The following KIAA0825 variants were observed in gnomAD, a reference collection of about 807,000 sequenced individuals.
The protein encoded by KIAA0825 is KIAA0825, also known as uncharacterized protein KIAA0825.
Under a neutral mutation model 147.6 loss-of-function variants are expected in KIAA0825, and 119 were observed. The observed-to-expected ratio is 0.81, with a 90% confidence interval of 0.69 to 0.94. The LOEUF is 0.94. Among genes scored for constraint, KIAA0825 ranks in the 40% least tolerant of loss-of-function variants. The pLI, the probability that KIAA0825 is intolerant of heterozygous loss-of-function variation, is 0.00. For synonymous variants in KIAA0825, 470 were observed against 518.1 expected (o/e 0.91, Z 1.26); for missense variants, 1,381 against 1,472.7 (o/e 0.94, Z 1.02).
intron 16 of KIAA0825, among the ~76,000 whole-genome samples, chr5:94,399,577 AAC>A (rs1284050334): frequency 6.6e-6 from 1 of 152,110 alleles, no homozygotes; most frequent in Non-Finnish European, 1.5e-5. Context: ...TGATGTCAAC[AAC>A]ACACCAGGGA....
intron 5 of KIAA0825, among the ~76,000 whole-genome samples, chr5:94,486,375 T>C (rs534291351): frequency 1.3e-5 from 2 of 152,084 alleles, no homozygotes; most frequent in Non-Finnish European, 2.9e-5. Flanking sequence ...ATTTTATGGC[T>C]ATTCCACTTC....
At chr5:94,532,887 A>C (rs1771113915) in intron 3 of KIAA0825, among the ~76,000 whole-genome samples, 1 of 151,674 alleles carries the variant, frequency 6.6e-6, no homozygotes, top group Non-Finnish European at 1.5e-5. Context: ...CCTAAGCTAC[A>C]CACAGAAGTT....
Position 94,472,695 on chromosome 5 carries a change from G to A in KIAA0825, c.1455+597C>T, listed in dbSNP as rs1009603164. 3.3e-5 allele frequency among the ~76,000 whole-genome samples: 5 copies of A among 152,246 alleles called. No homozygotes were observed. The East Asian group carries it at 7.8e-4, about 24-fold the overall frequency. On this transcript the variant is annotated intron_variant, in intron 8 of 20. Transcript: ENST00000682413. ...GGAGGCGGAGCTTGCAGTGAGCCGA[G>A]ATCGCGCCCCTGCACTCCAGCCTGG...
At chr5:94,189,828 G>T (rs896889289) in intron 20 of KIAA0825, among the ~76,000 whole-genome samples, 6 of 151,934 alleles carry the variant, frequency 3.9e-5, no homozygotes, top group African/African-American at 1.5e-4. Flanking sequence ...TTTTAATTGG[G>T]ATTTTGTGGA....
chr5:94,188,417 A>G (rs1770357190), intron 20 of KIAA0825, among the ~76,000 whole-genome samples: 1 of 152,194 alleles, frequency 6.6e-6, no homozygotes, highest in Admixed American at 6.5e-5. Flanking sequence ...ACCTGTTAGT[A>G]AAAATAAGTT....
chr5:94,416,941 T>C (rs938038129), intron 15 of KIAA0825: 7 of 303,838 alleles, frequency 2.3e-5, no homozygotes, highest in Middle Eastern at 5.3e-4. Flanking sequence ...ATTTTTATGA[T>C]AGAACATTCC....
At chr5:94,382,639 T>C (rs1324085402) in intron 20 of KIAA0825, among the ~76,000 whole-genome samples, 1 of 152,226 alleles carries the variant, frequency 6.6e-6, no homozygotes, top group African/African-American at 2.4e-5. Context: ...ATGACCCTTT[T>C]CCAAGAGAAC....
intron 20 of KIAA0825, among the ~76,000 whole-genome samples, chr5:94,338,897 C>T (rs1287666652): frequency 1.3e-5 from 2 of 151,994 alleles, no homozygotes; most frequent in Non-Finnish European, 1.5e-5. Context: ...AAGTCCTTTT[C>T]TCTATTACAA....
At chr5:94,565,007 T>C (rs1464603818) in intron 2 of KIAA0825, among the ~76,000 whole-genome samples, 103 of 119,862 alleles carry the variant, frequency 8.6e-4, no homozygotes, top group African/African-American at 3.2e-3. Context: ...TCTCTCTCTC[T>C]CCCTCTCTCT....
chr5:94,227,107 T>G (rs547045458), intron 20 of KIAA0825, among the ~76,000 whole-genome samples: 1 of 152,222 alleles, frequency 6.6e-6, no homozygotes, highest in Non-Finnish European at 1.5e-5. Flanking sequence ...CGTATGTTTA[T>G]TGCTGCACTA....
At chr5:94,582,778 T>C (rs142336646) in intron 1 of KIAA0825, among the ~76,000 whole-genome samples, 195 bp from the exon 2 acceptor site, 171 of 152,294 alleles carry the variant, frequency 1.1e-3, no homozygotes, top group African/African-American at 3.8e-3. Flanking sequence ...ATTAATAAGA[T>C]AGTCCATAGA....
intron 15 of KIAA0825, chr5:94,413,253 T>C (rs368027878): frequency 1.3e-5 from 2 of 152,116 alleles, no homozygotes; most frequent in East Asian, 3.9e-4. Context: ...CTTGGCCGAG[T>C]ATATGGATTT....
At chr5:94,328,690 T>C (rs1780953186) in intron 20 of KIAA0825, among the ~76,000 whole-genome samples, 1 of 152,054 alleles carries the variant, frequency 6.6e-6, no homozygotes, top group Admixed American at 6.5e-5. Flanking sequence ...AATAATGGCA[T>C]TTAGTCAAAT....
At position 94,520,814 on chromosome 5, in the gene KIAA0825, C is replaced by T; in HGVS notation, c.404G>A (p.Gly135Glu). 1 of 1,613,168 alleles carries T rather than the reference C, an allele frequency of 6.2e-7. No individual in the cohort carries two copies. The highest frequency in any genetic ancestry group is 2.2e-5 in the East Asian group (1 of 44,848). ...SSVSFPSTLSGTSFHFLSRTS... is the reference protein window; with the variant it reads ...SSVSFPSTLSETSFHFLSRTS... Reference sequence around the variant, plus strand: ...CCTAGAGAGGAAATGGAAAGATGTTCCACTTAGGGTTGATGGGAATGAAAC... The same window carrying T: ...CCTAGAGAGGAAATGGAAAGATGTTTCACTTAGGGTTGATGGGAATGAAAC... The change falls in exon 5 of 21, where the codon GGA becomes GAA. Residue 135 changes from glycine to glutamate, a missense_variant. Coordinates refer to ENST00000682413, the MANE Select transcript of KIAA0825 (RefSeq NM_001145678.3).
At chr5:94,436,721 A>T (rs1756421674) in intron 14 of KIAA0825, among the ~76,000 whole-genome samples, 1 of 152,108 alleles carries the variant, frequency 6.6e-6, no homozygotes, top group African/African-American at 2.4e-5. Context: ...CAGTGTGTCC[A>T]TTTTCACAAT....
At chr5:94,238,270 C>A (rs554692466) in intron 20 of KIAA0825, among the ~76,000 whole-genome samples, 129 of 152,220 alleles carry the variant, frequency 8.5e-4, no homozygotes, top group African/African-American at 2.9e-3. Flanking sequence ...AAAGTTATTT[C>A]AACTTTTCTA....
At chr5:94,206,848 A>G (rs1024523186) in intron 20 of KIAA0825, among the ~76,000 whole-genome samples, 1 of 152,154 alleles carries the variant, frequency 6.6e-6, no homozygotes, top group African/African-American at 2.4e-5. Flanking sequence ...CTCAAGTGAC[A>G]TAAGATGTTT....
At chr5:94,558,849 A>G (rs1261122039) in intron 2 of KIAA0825, among the ~76,000 whole-genome samples, 1 of 152,212 alleles carries the variant, frequency 6.6e-6, no homozygotes, top group Non-Finnish European at 1.5e-5. Context: ...ACCGGGAAGA[A>G]AGCAATGTCC....
rs897089505 is a variant in KIAA0825 at position 94,220,636 on chromosome 5, A to G, written c.3711-66512T>C. Reference sequence around the variant, plus strand: ...TTTCAGCTCCATTATAATCTTATGGATTATATAAACAGCATATATAAATGT... The same window carrying G: ...TTTCAGCTCCATTATAATCTTATGGGTTATATAAACAGCATATATAAATGT... On this transcript the variant is annotated intron_variant, in intron 20 of 20. Transcript: ENST00000682413. Among the ~76,000 whole-genome samples the G allele has an allele frequency of 3.9e-4, 59 of 152,134 alleles. 1 individual carries two copies. The highest frequency in any genetic ancestry group is 1.3e-3 in the African/African-American group (55 of 41,426).
Sources: gnomAD v4.1 joint callset for allele counts (sites outside exome capture counted in the v4.1 genomes callset) on GRCh38, gnomAD v4.1.1 for gene constraint, MANE v1.5 for transcripts, NCBI Gene and HGNC (gene_info 2026-07-23, HGNC 2026-07-21) for gene names.